GRID2: variants seen among roughly 807,000 people sequenced by gnomAD.
GRID2 encodes the protein glutamate ionotropic receptor delta type subunit 2, also known as glutamate receptor ionotropic, delta-2.
GRID2 carries 33 observed loss-of-function variants against 114.8 expected under a neutral mutation model. That is an observed-to-expected ratio of 0.29 (90% CI 0.22 to 0.38). The LOEUF (loss-of-function observed/expected upper bound fraction) is 0.38. Among genes scored for constraint, GRID2 ranks in the 10% least tolerant of loss-of-function variants. The probability of loss-of-function intolerance (pLI) is 1.00; values close to 1 mark genes in which losing one functional copy is unlikely to be tolerated. For synonymous variants in GRID2, 505 were observed against 449.9 expected (o/e 1.12, Z -1.55); for missense variants, 1,184 against 1,257.7 (o/e 0.94, Z 0.89).
At chr4:93,117,678 T>G (rs1282862164) in intron 4 of GRID2, among the ~76,000 whole-genome samples, 1 of 152,132 alleles carries the variant, frequency 6.6e-6, no homozygotes, top group East Asian at 1.9e-4. Context: ...TCATCAGTGA[T>G]TTCCCTGTTT....
chr4:92,904,701 C>G (rs540827707), intron 2 of GRID2, among the ~76,000 whole-genome samples: 1 of 151,786 alleles, frequency 6.6e-6, no homozygotes, highest in Non-Finnish European at 1.5e-5. Context: ...AAGGGCCAAA[C>G]AAATTAAGAA....
intron 5 of GRID2, among the ~76,000 whole-genome samples, chr4:93,213,407 A>G (rs1743799457): frequency 6.6e-6 from 1 of 152,182 alleles, no homozygotes; most frequent in African/African-American, 2.4e-5. Flanking sequence ...TTTATTTAGA[A>G]TTGTTTAACA....
At chr4:93,219,066 A>G (rs1744580551) in intron 6 of GRID2, among the ~76,000 whole-genome samples, 1 of 152,214 alleles carries the variant, frequency 6.6e-6, no homozygotes, top group Non-Finnish European at 1.5e-5. Context: ...CAGCCAAACC[A>G]TATCAATATG....
At chr4:93,718,430 A>G (rs1445241409) in intron 14 of GRID2, among the ~76,000 whole-genome samples, 4 of 152,206 alleles carry the variant, frequency 2.6e-5, no homozygotes, top group African/African-American at 4.8e-5. Flanking sequence ...CAAAGTTCCA[A>G]TGACGTAATG....
chr4:93,364,181 C>T (rs1178449386), intron 8 of GRID2, among the ~76,000 whole-genome samples: 6 of 151,898 alleles, frequency 4.0e-5, no homozygotes, highest in Admixed American at 2.0e-4. Context: ...ACTAAAGCTA[C>T]GTTTTCATAA....
At position 93,008,186 on chromosome 4, in the gene GRID2, ACT is replaced by A. The variant is rs374388464; in HGVS notation, c.245-76804_245-76803del. ...AACTTTCTCTCAAAGAGCTGATGGT[ACT>A]CTCTGCAAAATTCTTCTAAAGTGGC... On this transcript the variant is annotated intron_variant, in intron 2 of 15. Transcript: ENST00000282020. Among the ~76,000 whole-genome samples the A allele has an allele frequency of 3.8e-3, 577 of 152,134 alleles. 6 individuals are homozygous for A. Among genetic ancestry groups the A allele is most frequent in the African/African-American group, 0.013 (554 of 41,522 alleles).
chr4:92,615,070 A>G (rs923605922), intron 2 of GRID2, among the ~76,000 whole-genome samples: 4 of 151,512 alleles, frequency 2.6e-5, no homozygotes, highest in Admixed American at 1.3e-4. Flanking sequence ...CAATAGTAAT[A>G]TATTTCTTAA....
At chr4:93,734,052 GA>G (rs1205104229) in intron 14 of GRID2, among the ~76,000 whole-genome samples, 2 of 151,914 alleles carry the variant, frequency 1.3e-5, no homozygotes. Context: ...GATTTGCATT[GA>G]AACTCTGCTT....
At chr4:92,334,310 C>A (rs2110149732) in intron 1 of GRID2, among the ~76,000 whole-genome samples, 1 of 152,252 alleles carries the variant, frequency 6.6e-6, no homozygotes, top group Non-Finnish European at 1.5e-5. Flanking sequence ...GCTGGAATTG[C>A]CCTTAATGTT....
chr4:92,976,349 C>T (rs1753868170), intron 2 of GRID2, among the ~76,000 whole-genome samples: 1 of 149,422 alleles, frequency 6.7e-6, no homozygotes, highest in African/African-American at 2.4e-5. Flanking sequence ...ATATATATCT[C>T]ATGCATGTCT....
intron 10 of GRID2, among the ~76,000 whole-genome samples, chr4:93,445,154 T>A (rs905583451): frequency 1.3e-5 from 2 of 152,046 alleles, no homozygotes; most frequent in Non-Finnish European, 2.9e-5. Flanking sequence ...TCCTTTCTTC[T>A]GGCTGGAATG....
intron 2 of GRID2, among the ~76,000 whole-genome samples, chr4:92,659,542 A>C (rs1488459179): frequency 6.6e-6 from 1 of 151,632 alleles, no homozygotes; most frequent in African/African-American, 2.4e-5. Flanking sequence ...ATGATATATA[A>C]ACAAAAATCA....
chr4:93,155,041 T>G (rs999121439), intron 4 of GRID2, among the ~76,000 whole-genome samples: 2 of 151,954 alleles, frequency 1.3e-5, no homozygotes, highest in Non-Finnish European at 2.9e-5. Context: ...ATTACCTACA[T>G]AGAGGCTCCT....
chr4:92,711,798 G>T (rs1735267740), intron 2 of GRID2, among the ~76,000 whole-genome samples: 2 of 152,150 alleles, frequency 1.3e-5, no homozygotes, highest in Non-Finnish European at 2.9e-5. Flanking sequence ...AGCTACTCAG[G>T]AAGCTTAGGC....
intron 1 of GRID2, among the ~76,000 whole-genome samples, chr4:92,375,089 C>T (rs1035189616): frequency 6.6e-6 from 1 of 152,094 alleles, no homozygotes; most frequent in Non-Finnish European, 1.5e-5. Context: ...AAATGTGTAT[C>T]AGGAAAATGA....
chr4:92,349,060 T>G (rs1374812601), intron 1 of GRID2, among the ~76,000 whole-genome samples: 2 of 151,982 alleles, frequency 1.3e-5, no homozygotes, highest in African/African-American at 4.8e-5. Flanking sequence ...TGGAGAGGTT[T>G]TATTAATGAC....
At chr4:93,510,159 G>C (rs1729022970) in intron 12 of GRID2, among the ~76,000 whole-genome samples, 1 of 152,116 alleles carries the variant, frequency 6.6e-6, no homozygotes, top group South Asian at 2.1e-4. Flanking sequence ...TCCCCCTGAA[G>C]AAAAATCTCC....
intron 1 of GRID2, among the ~76,000 whole-genome samples, chr4:93,799,386 A>T (rs1035526927): frequency 1.3e-5 from 2 of 152,014 alleles, no homozygotes; most frequent in Admixed American, 6.6e-5. Context: ...TACTCCCTAA[A>T]GTCCCTAAAA....
chr4:93,777,491 C>A (rs1403311406), downstream of GRID2, among the ~76,000 whole-genome samples: 1 of 152,166 alleles, frequency 6.6e-6, no homozygotes, highest in Non-Finnish European at 1.5e-5. Context: ...GAGAAACTAG[C>A]TGTGTTATTC....
Sources: gnomAD v4.1 joint callset for allele counts (sites outside exome capture counted in the v4.1 genomes callset) on GRCh38, gnomAD v4.1.1 for gene constraint, MANE v1.5 for transcripts, NCBI Gene and HGNC (gene_info 2026-07-23, HGNC 2026-07-21) for gene names.